The following SETD2 variants were observed in gnomAD, a reference collection of about 807,000 sequenced individuals.
SETD2 encodes the protein histone-lysine N-methyltransferase SETD2.
SETD2 carries 31 observed loss-of-function variants against 242.1 expected under a neutral mutation model. The observed-to-expected ratio is 0.13, with a 90% CI of 0.10 to 0.17. SETD2 has a LOEUF of 0.17. SETD2 is among the 10% of genes least tolerant of loss of function. The probability of loss-of-function intolerance (pLI) is 1.00; values close to 1 mark genes in which losing one functional copy is unlikely to be tolerated. For synonymous variants in SETD2, 1,006 were observed against 1,066.5 expected, an observed-to-expected ratio of 0.94 and a Z score of 1.11; for missense variants, 2,481 against 3,046.3, an observed-to-expected ratio of 0.81 and a Z score of 4.37.
chr3:47,070,031 G>C (rs141301443), intron 12 of SETD2, among the ~76,000 whole-genome samples: 2 of 152,146 alleles, frequency 1.3e-5, no homozygotes, highest in Non-Finnish European at 2.9e-5. Context: ...TGTATTGAGG[G>C]TCCCACTAAG....
At chr3:47,028,833 G>A (rs191972542) in intron 18 of SETD2, 15 of 154,208 alleles carry the variant, frequency 9.7e-5, no homozygotes, top group Middle Eastern at 1.6e-3. Context: ...AGCATTCCTG[G>A]TGGCAGTAGA....
At position 47,120,839 on chromosome 3, in the gene SETD2, T is replaced by C. The variant is rs1385858883; in HGVS notation, c.3797A>G (p.Lys1266Arg). Reference sequence around the variant, plus strand: ...AGGTTGCTGATACGTGGTAGAAGGCTTTTCTTGAGAGAAGTCCCAACCTAA... The same window carrying C: ...AGGTTGCTGATACGTGGTAGAAGGCCTTTCTTGAGAGAAGTCCCAACCTAA... ...RNLGWDFSQE[K>R]PSTTYQQPDS... The change falls in exon 3 of 21, where the codon AAG becomes AGG. Residue 1266 changes from lysine (K) to arginine (R), a missense_variant. Lys to Arg is a conservative substitution (Grantham distance 26). Transcript: ENST00000409792. The C allele has an allele frequency of 1.2e-6, 2 of 1,614,094 alleles. No homozygotes were observed. The highest frequency in any genetic ancestry group is 1.7e-6 in the Non-Finnish European group (2 of 1,180,044).
Position 47,109,128 on chromosome 3 carries a change from C to T in SETD2, c.4716-3008G>A, listed in dbSNP as rs78852546. Among the ~76,000 whole-genome samples, 716 of 152,236 alleles carry T rather than the reference C, an allele frequency of 4.7e-3. 9 individuals are homozygous for T. The highest frequency in any genetic ancestry group is 0.017 in the African/African-American group (695 of 41,536). On this transcript the variant is annotated intron_variant, in intron 5 of 20. Transcript: ENST00000409792. ...AGGTGGGTGGGGACAGAAATTGTCA[C>T]TGTCACTGCAAAGCTATGGAAGGTT...
intron 1 of SETD2, among the ~76,000 whole-genome samples, chr3:47,156,868 G>A (rs2044137824): frequency 6.6e-6 from 1 of 152,158 alleles, no homozygotes; most frequent in South Asian, 2.1e-4. Flanking sequence ...TTGACTTGCT[G>A]GGCACGGTGG....
chr3:47,076,222 A>C (rs2041070453), intron 12 of SETD2, among the ~76,000 whole-genome samples: 1 of 152,244 alleles, frequency 6.6e-6, no homozygotes, highest in Non-Finnish European at 1.5e-5. Context: ...AAGAGTTTTC[A>C]GGAATGAATG....
Position 47,083,996 on chromosome 3 carries a change from T to G in SETD2, c.5784A>C (p.Leu1928=). The change falls in exon 12 of 21, where the codon CTA becomes CTC. Residue 1928 remains leucine (L), a synonymous_variant. Coordinates refer to ENST00000409792, the MANE Select transcript of SETD2 (RefSeq NM_014159.7). ...EEEEELQSQQ[L]LPQQLPECKV... ...TGCATTCAGGCAGCTGTTGTGGGAG[T>G]AGCTGTTGTGACTGCAATTCTTCCT... 6.2e-7 allele frequency: 1 copy of G among 1,614,102 alleles called. No homozygotes were observed. The highest frequency in any genetic ancestry group is 8.5e-7 in the Non-Finnish European group (1 of 1,180,010).
In SETD2 at chr3:47,083,865, T is replaced by C; in HGVS notation, c.5915A>G (p.Glu1972Gly). The stretch of plus-strand genomic sequence containing the variant: ...GGATGGTGTTTCTTCATTAATAGGT[T>C]CTTCTAGTTTTGTGCCGTTGCTCTC... The part of the protein sequence containing the change: ...PKESNGTKLE[E>G]PINEETPSQD... The change falls in exon 12 of 21, where the codon GAA (glutamate) becomes GGA (glycine). Residue 1972 changes from glutamate (E) to glycine (G), a missense_variant. By Grantham distance (98) the Glu-to-Gly change is moderately conservative (BLOSUM62 -2). Coordinates refer to ENST00000409792, the MANE Select transcript of SETD2 (RefSeq NM_014159.7). 6.2e-7 allele frequency: 1 copy of C among 1,614,112 alleles called. No homozygotes were observed. The highest frequency in any genetic ancestry group is 8.5e-7 in the Non-Finnish European group (1 of 1,180,002).
intron 18 of SETD2, 147 bp from the exon 19 acceptor site, chr3:47,019,987 C>A: frequency 1.5e-6 from 1 of 669,350 alleles, no homozygotes; most frequent in South Asian, 1.7e-5. Flanking sequence ...GACTCAGGTA[C>A]AAGGCCTGGA....
intron 8 of SETD2, among the ~76,000 whole-genome samples, chr3:47,100,236 A>G (rs2042156961): frequency 6.6e-6 from 1 of 151,672 alleles, no homozygotes; most frequent in Admixed American, 6.6e-5. Context: ...CACCGCACCC[A>G]GCCTCCCAGG....
Position 47,123,450 on chromosome 3 carries a change from A to T in SETD2, c.1186T>A (p.Ser396Thr), listed in dbSNP as rs2106704124. Residue 396 changes from serine (S) to threonine (T), a missense_variant, in exon 3 of 21, where the codon TCA (serine) becomes ACA (threonine). Physicochemically the swap from Ser to Thr is moderately conservative, Grantham distance 58. Coordinates refer to ENST00000409792, the MANE Select transcript of SETD2 (RefSeq NM_014159.7). ...CTGCTCCGCCGTCGCTCTCTTTCTG[A>T]TCTACATCGGGAAGATACATACCGA... ...DTRYVSSRCR[S>T]ERERRRSRSH... 6.4e-7 allele frequency: 1 copy of T among 1,551,522 alleles called. No homozygotes were observed. The highest frequency in any genetic ancestry group is 1.2e-5 in the South Asian group (1 of 84,058).
chr3:47,097,685 A>G (rs769391486), intron 9 of SETD2, among the ~76,000 whole-genome samples: 8 of 152,208 alleles, frequency 5.3e-5, no homozygotes, highest in Non-Finnish European at 1.0e-4. Flanking sequence ...GGGAGAAAAG[A>G]TATGTTTTAC....
intron 18 of SETD2, among the ~76,000 whole-genome samples, chr3:47,022,751 C>T (rs2038288852): frequency 6.6e-6 from 1 of 152,170 alleles, no homozygotes; most frequent in South Asian, 2.1e-4. Context: ...GAGCTTACTG[C>T]CTTTAGAAGC....
At chr3:47,137,519 G>T (rs1442674963) in intron 1 of SETD2, among the ~76,000 whole-genome samples, 2 of 151,936 alleles carry the variant, frequency 1.3e-5, no homozygotes, top group Non-Finnish European at 2.9e-5. Flanking sequence ...ATAAGAGTTG[G>T]TTGTTTATTT....
chr3:47,037,041 T>C (rs1360679010), intron 18 of SETD2, among the ~76,000 whole-genome samples: 4 of 143,988 alleles, frequency 2.8e-5, no homozygotes, highest in Non-Finnish European at 3.0e-5. Flanking sequence ...AGTCTCTCAA[T>C]GTCTAAAAAA....
intron 13 of SETD2, among the ~76,000 whole-genome samples, chr3:47,065,540 T>C (rs1371611226): frequency 6.6e-6 from 1 of 152,140 alleles, no homozygotes; most frequent in Non-Finnish European, 1.5e-5. Context: ...GGCTTACATC[T>C]GTGATCCCAG....
chr3:47,096,767 C>T (rs2042024744), intron 9 of SETD2, among the ~76,000 whole-genome samples: 1 of 151,904 alleles, frequency 6.6e-6, no homozygotes, highest in African/African-American at 2.4e-5. Flanking sequence ...AAAGCCAAAC[C>T]ATTTGAAAAT....
chr3:47,068,314 A>G (rs1182768385), intron 12 of SETD2, among the ~76,000 whole-genome samples: 2 of 152,180 alleles, frequency 1.3e-5, no homozygotes, highest in African/African-American at 2.4e-5. Flanking sequence ...TGTAATATTC[A>G]GTTGCCATTA....
intron 5 of SETD2, among the ~76,000 whole-genome samples, chr3:47,113,535 A>T (rs2042737620): frequency 6.6e-6 from 1 of 152,168 alleles, no homozygotes; most frequent in African/African-American, 2.4e-5. Flanking sequence ...AAGTTCAACA[A>T]CACAAAAATG....
chr3:47,084,740 T>G (rs1030558407), intron 11 of SETD2, among the ~76,000 whole-genome samples: 6 of 151,060 alleles, frequency 4.0e-5, no homozygotes, highest in African/African-American at 9.7e-5. Flanking sequence ...TTGATTTTGT[T>G]TTTTTTTTGA....
Sources: allele counts gnomAD v4.1 joint callset (sites outside exome capture counted in the v4.1 genomes callset), GRCh38; gene constraint gnomAD v4.1.1; transcripts MANE v1.5; gene names NCBI Gene and HGNC (gene_info 2026-07-23, HGNC 2026-07-21).